The following DRC11 variants were observed in gnomAD, a reference collection of about 807,000 sequenced individuals.
DRC11 encodes dynein regulatory complex subunit 11.
the DRC11 span, among the ~76,000 whole-genome samples, chr2:236,446,451 G>A: frequency 1.5e-4 from 23 of 152,310 alleles, no homozygotes; most frequent in South Asian, 3.1e-3. This position sits in a 1 kb window ranked among gnomAD's most constrained non-coding sequence, Gnocchi z 6.2. Flanking sequence ...ATTACAGGGC[G>A]TCAGGAAGAC....
the DRC11 span, among the ~76,000 whole-genome samples, chr2:236,357,148 TATTATGTATTCA>T: frequency 8.1e-6 from 1 of 123,812 alleles, no homozygotes; most frequent in African/African-American, 3.2e-5. Context: ...TATATCTATA[TATTATGTATTCA>T]TATATATCTA....
the DRC11 span, among the ~76,000 whole-genome samples, chr2:236,463,115 AT>A: frequency 6.6e-6 from 1 of 152,272 alleles, no homozygotes; most frequent in South Asian, 2.1e-4. This position sits in a 1 kb window ranked among gnomAD's most constrained non-coding sequence, Gnocchi z 5.0. Flanking sequence ...AAGCATTGGC[AT>A]TTTTGCTGAT....
At chr2:236,325,135 T>C in the DRC11 span, among the ~76,000 whole-genome samples, 2 of 152,206 alleles carry the variant, frequency 1.3e-5, no homozygotes, top group African/African-American at 2.4e-5. This position sits in a 1 kb window ranked among gnomAD's most constrained non-coding sequence, Gnocchi z 4.4. Context: ...TATGTGGCCA[T>C]GTTCAGTAAA....
At chr2:236,404,213 G>GA in the DRC11 span, among the ~76,000 whole-genome samples, 2 of 145,976 alleles carry the variant, frequency 1.4e-5, no homozygotes, top group Admixed American at 6.8e-5. Flanking sequence ...AAAGAAAAAA[G>GA]AAAAAAAATC....
the DRC11 span, chr2:236,380,524 TG>T: frequency 6.8e-7 from 1 of 1,462,002 alleles, no homozygotes; most frequent in Non-Finnish European, 9.4e-7. This position sits in a 1 kb window ranked among gnomAD's most constrained non-coding sequence, Gnocchi z 4.9. Flanking sequence ...TGCTGTTCTC[TG>T]GGGCTGCTCA....
At chr2:236,382,414 G>A in the DRC11 span, among the ~76,000 whole-genome samples, 159 of 152,152 alleles carry the variant, frequency 1.0e-3, no homozygotes, top group Non-Finnish European at 1.5e-3. Flanking sequence ...TTTCAAAATT[G>A]CTTTAGTTAT....
At chr2:236,425,543 G>A in the DRC11 span, among the ~76,000 whole-genome samples, 8 of 151,976 alleles carry the variant, frequency 5.3e-5, no homozygotes, top group South Asian at 4.1e-4. Context: ...GGAAATTAAC[G>A]CCTTATCAGA....
At chr2:236,349,931 C>T in the DRC11 span, among the ~76,000 whole-genome samples, 1 of 152,224 alleles carries the variant, frequency 6.6e-6, no homozygotes, top group Non-Finnish European at 1.5e-5. The surrounding 1 kb of genome is among the most constrained non-coding windows in gnomAD (Gnocchi z 5.5). Context: ...TGACTGCACT[C>T]GTGGCTGCTG....
chr2:236,354,341 A>ATG, the DRC11 span, among the ~76,000 whole-genome samples: 17 of 105,388 alleles, frequency 1.6e-4, no homozygotes, highest in African/African-American at 6.5e-4. Context: ...ATTAGTGTGC[A>ATG]TGTGTGTGTG....
the DRC11 span, among the ~76,000 whole-genome samples, chr2:236,405,326 G>T: frequency 7.9e-3 from 1,197 of 151,864 alleles, 16 homozygotes; most frequent in African/African-American, 0.028. The surrounding 1 kb of genome is among the most constrained non-coding windows in gnomAD (Gnocchi z 4.6). Context: ...TTGAGTCACT[G>T]TAGTATCTGC....
the DRC11 span, among the ~76,000 whole-genome samples, chr2:236,474,374 T>A: frequency 2.8e-4 from 43 of 152,176 alleles, 2 homozygotes; most frequent in Non-Finnish European, 1.5e-4. Flanking sequence ...GTTAAAAGCA[T>A]GTAATTCTAT....
the DRC11 span, among the ~76,000 whole-genome samples, chr2:236,326,741 A>G: frequency 6.6e-6 from 1 of 151,040 alleles, no homozygotes; most frequent in Non-Finnish European, 1.5e-5. Context: ...GTCAGATTGT[A>G]TTTAGCACTA....
chr2:236,337,868 T>C, the DRC11 span, among the ~76,000 whole-genome samples: 44 of 151,054 alleles, frequency 2.9e-4, no homozygotes, highest in Admixed American at 3.9e-4. This position sits in a 1 kb window ranked among gnomAD's most constrained non-coding sequence, Gnocchi z 4.9. Context: ...GAAGACACCA[T>C]CACCATGGGT....
chr2:236,483,912 A>C, the DRC11 span, among the ~76,000 whole-genome samples: 1 of 152,250 alleles, frequency 6.6e-6, no homozygotes, highest in Non-Finnish European at 1.5e-5. The surrounding 1 kb of genome is among the most constrained non-coding windows in gnomAD (Gnocchi z 4.8). Flanking sequence ...ATACAAGAAG[A>C]CTTAATTAAA....
At chr2:236,431,239 T>G in the DRC11 span, among the ~76,000 whole-genome samples, 8 of 152,156 alleles carry the variant, frequency 5.3e-5, no homozygotes, top group Non-Finnish European at 1.2e-4. This position sits in a 1 kb window ranked among gnomAD's most constrained non-coding sequence, Gnocchi z 4.2. Flanking sequence ...CATGCTGGTA[T>G]GAAGAAATAT....
the DRC11 span, among the ~76,000 whole-genome samples, chr2:236,321,840 G>GCAC: frequency 6.6e-6 from 1 of 152,142 alleles, no homozygotes. Context: ...GACATCTCGG[G>GCAC]CACAGAGGGT....
the DRC11 span, among the ~76,000 whole-genome samples, chr2:236,400,679 C>T: frequency 1.3e-5 from 2 of 152,150 alleles, no homozygotes; most frequent in Non-Finnish European, 2.9e-5. The surrounding 1 kb of genome is among the most constrained non-coding windows in gnomAD (Gnocchi z 7.9). Context: ...GTGGCGCGGG[C>T]GTGCCTCCCC....
chr2:236,345,811 T>C, the DRC11 span, among the ~76,000 whole-genome samples: 1 of 152,244 alleles, frequency 6.6e-6, no homozygotes, highest in African/African-American at 2.4e-5. Context: ...TACAGCGTTA[T>C]GTACTCCTAT....
At chr2:236,367,961 C>T in the DRC11 span, 2 of 545,360 alleles carry the variant, frequency 3.7e-6, no homozygotes, top group Non-Finnish European at 6.6e-6. This position sits in a 1 kb window ranked among gnomAD's most constrained non-coding sequence, Gnocchi z 4.8. Context: ...GTATGTCCTT[C>T]AGCCCAGCAC....
Sources: gnomAD v4.1 joint callset for allele counts (sites outside exome capture counted in the v4.1 genomes callset) on GRCh38, gnomAD v4.1.1 for gene constraint, Gnocchi (gnomAD v3.1) non-coding constraint, MANE v1.5 for transcripts, NCBI Gene and HGNC (gene_info 2026-07-23, HGNC 2026-07-21) for gene names.